The following ADAM10 variants were observed in gnomAD, a reference collection of about 807,000 sequenced individuals.
ADAM10 encodes disintegrin and metalloproteinase domain-containing protein 10.
A neutral mutation model predicts 90.1 loss-of-function variants in ADAM10; 17 were observed. The ratio of observed to expected loss-of-function variants is 0.19; its 90% CI spans 0.13 to 0.28. The LOEUF (loss-of-function observed/expected upper bound fraction) is 0.28, where lower values mean the gene tolerates loss of function less well. ADAM10 is among the 10% of genes least tolerant of loss of function. The pLI is 1.00. For synonymous variants in ADAM10, 310 were observed against 298.6 expected (o/e 1.04, Z -0.40); for missense variants, 610 against 914.3 (o/e 0.67, Z 4.29).
At chr15:58,715,241 G>C (rs952848967) in intron 2 of ADAM10, among the ~76,000 whole-genome samples, 10 of 151,906 alleles carry the variant, frequency 6.6e-5, no homozygotes, top group Non-Finnish European at 7.4e-5. Context: ...GGCCAACATG[G>C]TGAAACCCCG....
chr15:58,719,103 C>T (rs1022010589), intron 1 of ADAM10, among the ~76,000 whole-genome samples: 8 of 152,164 alleles, frequency 5.3e-5, no homozygotes, highest in South Asian at 2.1e-4. Flanking sequence ...GCAGGTGGAT[C>T]GCCTAAGGTC....
chr15:58,655,716 T>TC (rs796776811), intron 5 of ADAM10, among the ~76,000 whole-genome samples: 3,023 of 64,400 alleles, frequency 0.047, 333 homozygotes, highest in African/African-American at 0.2. Context: ...ATATAGTATA[T>TC]ATATATATAT....
intron 5 of ADAM10, among the ~76,000 whole-genome samples, chr15:58,652,847 G>C (rs749437759): frequency 6.6e-6 from 1 of 152,162 alleles, no homozygotes; most frequent in Non-Finnish European, 1.5e-5. Flanking sequence ...TGATTCTTCC[G>C]ATATACGAAC....
chr15:58,644,226 CTTTT>C (rs1256339206), intron 6 of ADAM10, among the ~76,000 whole-genome samples: 1 of 144,732 alleles, frequency 6.9e-6, no homozygotes, highest in Non-Finnish European at 1.5e-5. Flanking sequence ...TTTTTTTTTT[CTTTT>C]TTTGTTTTTT....
At chr15:58,631,615 G>A (rs1434663412) in intron 9 of ADAM10, among the ~76,000 whole-genome samples, 3 of 152,158 alleles carry the variant, frequency 2.0e-5, no homozygotes, top group Non-Finnish European at 2.9e-5. Flanking sequence ...AGATTCTCAG[G>A]TGATGTATAT....
At chr15:58,614,985 A>G (rs1263289937) in intron 11 of ADAM10, among the ~76,000 whole-genome samples, 1 of 152,106 alleles carries the variant, frequency 6.6e-6, no homozygotes, top group Non-Finnish European at 1.5e-5. Context: ...ACAAAACAAA[A>G]CAAAAACAGC....
intron 14 of ADAM10, among the ~76,000 whole-genome samples, chr15:58,607,042 T>C (rs1202135230): frequency 6.6e-6 from 1 of 152,272 alleles, no homozygotes; most frequent in African/African-American, 2.4e-5. Context: ...TTTAAAAGAA[T>C]GTTTTGATAA....
Position 58,621,556 on chromosome 15 carries a change from T to G in ADAM10, c.1426A>C (p.Ser476Arg), listed in dbSNP as rs1187937639. 3.1e-6 allele frequency: 5 copies of G among 1,614,168 alleles called. No individual in the cohort carries two copies. Among genetic ancestry groups the G allele is most frequent in the African/African-American group, 1.3e-5 (1 of 75,066 alleles). ...CAGCATTCATCTTTACACTGGTCACTATAGCCACAATCACATTCTTCACCT... is the reference window on the plus strand; with the variant it reads ...CAGCATTCATCTTTACACTGGTCACGATAGCCACAATCACATTCTTCACCT... The part of the protein sequence containing the change: ...EQGEECDCGY[S>R]DQCKDECCFD... Residue 476 changes from serine to arginine, a missense_variant, in exon 11 of 16, where the codon AGT (serine) becomes CGT (arginine). Physicochemically the swap from Ser to Arg is moderately radical, Grantham distance 110. This residue lies in a region of ADAM10 where 97 missense variants were observed against 221.4 expected (regional missense o/e 0.44). Coordinates refer to ENST00000260408, the MANE Select transcript of ADAM10 (RefSeq NM_001110.4).
chr15:58,674,318 C>T (rs1190980339), intron 4 of ADAM10, among the ~76,000 whole-genome samples: 2 of 152,150 alleles, frequency 1.3e-5, no homozygotes, highest in Admixed American at 1.3e-4. Flanking sequence ...GTAAAGCATA[C>T]AAATTCAAAA....
At chr15:58,749,421 G>C (rs1416779949) in intron 1 of ADAM10, 59 bp downstream of exon 1, 22 of 1,482,438 alleles carry the variant, frequency 1.5e-5, no homozygotes, top group Admixed American at 4.5e-5. Flanking sequence ...GGCTCCGCTC[G>C]GCCCGGCCGC....
At position 58,693,038 on chromosome 15, in the gene ADAM10, T is replaced by A. The variant is rs747075477; in HGVS notation, c.207-10724A>T. ...GGGTCTGTCAGGCTCTCATAGCGAA[T>A]CTTGTCTAAGGCATCAGAAGCATTA... On this transcript the variant is annotated intron_variant, in intron 2 of 15. Coordinates refer to ENST00000260408, the MANE Select transcript of ADAM10 (RefSeq NM_001110.4). 9 of 765,184 alleles carry A rather than the reference T, an allele frequency of 1.2e-5. No individual in the cohort carries two copies. In the East Asian group the frequency reaches 2.3e-4, roughly 20 times the overall value. 47.4% of individuals were successfully genotyped at this position (765,184 alleles called of 1,614,324 possible). A position where few individuals can be genotyped will look rare whatever the true frequency, so the allele number is the denominator to read the frequency against.
At chr15:58,610,202 T>C (rs1308142496) in intron 14 of ADAM10, 95 bp downstream of exon 14, 5 of 958,796 alleles carry the variant, frequency 5.2e-6, no homozygotes, top group Non-Finnish European at 8.2e-6. Flanking sequence ...ATATAAATAG[T>C]TAAGTTGTTT....
At chr15:58,607,664 T>G (rs530311736) in intron 14 of ADAM10, among the ~76,000 whole-genome samples, 2 of 152,210 alleles carry the variant, frequency 1.3e-5, no homozygotes, top group African/African-American at 4.8e-5. Flanking sequence ...GAGAATGTGT[T>G]TGACTCTTGA....
At chr15:58,680,848 C>T (rs77553182) in intron 3 of ADAM10, among the ~76,000 whole-genome samples, 1,595 of 152,102 alleles carry the variant, frequency 0.01, 69 homozygotes, top group Admixed American at 0.089. Context: ...AGACAGGGCC[C>T]CTCTCTGTCC....
rs1489395209 is a variant in ADAM10, at chr15:58,679,240, C to G, written c.368G>C (p.Arg123Thr). ...SFSHGSVIDGRFEGFIQTRGG... is the reference protein window; with the variant it reads ...SFSHGSVIDGTFEGFIQTRGG... ...ACGAGTCTGGATGAATCCTTCAAAT[C>G]TTCCATCAATAACAGACCCATGGCT... The change falls in exon 4 of 16, where the codon AGA becomes ACA. Residue 123 changes from arginine (R) to threonine (T), a missense_variant. This residue lies in a region of ADAM10 where 310 missense variants were observed against 362.4 expected (regional missense o/e 0.86). Transcript: ENST00000260408. The G allele has an allele frequency of 6.2e-7, 1 of 1,613,904 alleles. No individual in the cohort carries two copies. Among genetic ancestry groups the G allele is most frequent in the Admixed American group, 1.7e-5 (1 of 60,002 alleles).
intron 2 of ADAM10, among the ~76,000 whole-genome samples, chr15:58,713,115 G>A (rs1898529865): frequency 6.6e-6 from 1 of 152,034 alleles, no homozygotes; most frequent in Non-Finnish European, 1.5e-5. Flanking sequence ...TGTTTTGTTT[G>A]TTGAGACAGG....
At chr15:58,697,469 C>T (rs571693715) in intron 2 of ADAM10, among the ~76,000 whole-genome samples, 9 of 152,260 alleles carry the variant, frequency 5.9e-5, no homozygotes, top group African/African-American at 2.2e-4. Flanking sequence ...CCTCCACCAC[C>T]GTTAACATGT....
Position 58,749,602 on chromosome 15 carries a change from G to T in ADAM10, c.-68C>A. ...ACAGCAGCACATCGATCCGGAGGGA[G>T]AAGCTGAAGGGGCTTGGTCCGGAGC... On this transcript the variant is annotated 5_prime_UTR_variant, in exon 1 of 16. Coordinates refer to ENST00000260408, the MANE Select transcript of ADAM10 (RefSeq NM_001110.4). 6.5e-7 allele frequency: 1 copy of T among 1,548,092 alleles called. No homozygotes were observed. The highest frequency in any genetic ancestry group is 1.2e-5 in the South Asian group (1 of 83,804).
chr15:58,705,756 CCT>C (rs1249810788), intron 2 of ADAM10, among the ~76,000 whole-genome samples: 8 of 152,112 alleles, frequency 5.3e-5, no homozygotes, highest in Non-Finnish European at 7.4e-5. Context: ...AGAGTAGTCC[CCT>C]CTTACCCACA....
Sources: allele counts gnomAD v4.1 joint callset (sites outside exome capture counted in the v4.1 genomes callset), GRCh38; gene constraint gnomAD v4.1.1; regional missense constraint gnomAD v4.1.1; transcripts MANE v1.5; gene names NCBI Gene and HGNC (gene_info 2026-07-23, HGNC 2026-07-21).